The following MAGI2 variants were observed in gnomAD, a reference collection of about 807,000 sequenced individuals.
MAGI2 encodes the protein membrane-associated guanylate kinase, WW and PDZ domain-containing protein 2.
A neutral mutation model predicts 133.3 loss-of-function variants in MAGI2; 35 were observed. The observed-to-expected ratio is 0.26, with a 90% CI of 0.20 to 0.35. The LOEUF (loss-of-function observed/expected upper bound fraction) is 0.35. Ranked by LOEUF, MAGI2 falls within the 10% of genes least tolerant of loss-of-function variation. The pLI is 1.00. For synonymous variants in MAGI2, 729 were observed against 710.6 expected, an observed-to-expected ratio of 1.03 and a Z score of -0.41; for missense variants, 1,636 against 1,863.4, an observed-to-expected ratio of 0.88 and a Z score of 2.25.
rs140807139 is a variant in MAGI2 at position 78,999,426 on chromosome 7, G to C, written c.418+7664C>G. Among the ~76,000 whole-genome samples the C allele has an allele frequency of 4.4e-3, 672 of 151,710 alleles. 7 individuals are homozygous for C. Among genetic ancestry groups the C allele is most frequent in the African/African-American group, 0.016 (653 of 41,372 alleles). ...GATTTTCCATCTTAAGCAACATTTT[G>C]AAGCCATTTATATTCTGTAGAGCAC... On this transcript the variant is annotated intron_variant, in intron 2 of 21. Coordinates refer to ENST00000354212, the MANE Select transcript of MAGI2 (RefSeq NM_012301.4).
At chr7:78,918,734 GATTA>G (rs1798988847) in intron 2 of MAGI2, among the ~76,000 whole-genome samples, 1 of 152,052 alleles carries the variant, frequency 6.6e-6, no homozygotes, top group Non-Finnish European at 1.5e-5. Flanking sequence ...GTGTAAAAGA[GATTA>G]ATTATTAATT....
chr7:79,142,058 A>G (rs1320178853), intron 1 of MAGI2, among the ~76,000 whole-genome samples: 1 of 152,224 alleles, frequency 6.6e-6, no homozygotes, highest in Non-Finnish European at 1.5e-5. Context: ...AAATAGATAC[A>G]AAATAAATAC....
intron 2 of MAGI2, among the ~76,000 whole-genome samples, chr7:78,706,105 T>C (rs186387521): frequency 5.5e-4 from 83 of 152,146 alleles, no homozygotes; most frequent in African/African-American, 1.8e-3. Context: ...AAATTAATAT[T>C]CTGGTTAGGA....
chr7:79,272,094 ATACT>A (rs1834921364), intron 1 of MAGI2, among the ~76,000 whole-genome samples: 1 of 152,168 alleles, frequency 6.6e-6, no homozygotes, highest in Non-Finnish European at 1.5e-5. Flanking sequence ...AAGTTAGCAA[ATACT>A]TACATAGTCA....
intron 3 of MAGI2, among the ~76,000 whole-genome samples, chr7:78,590,609 T>C (rs1465720271): frequency 2.0e-5 from 3 of 152,226 alleles, no homozygotes; most frequent in Admixed American, 1.3e-4. Flanking sequence ...TGGTTTTCCT[T>C]ATAACTAAAA....
At chr7:78,148,574 T>C (rs942610773) in intron 16 of MAGI2, among the ~76,000 whole-genome samples, 17 of 152,164 alleles carry the variant, frequency 1.1e-4, no homozygotes, top group Admixed American at 9.8e-4. Context: ...TGATGTAGAA[T>C]AACTAGGAGA....
At chr7:78,375,679 A>G (rs1009824989) in intron 6 of MAGI2, among the ~76,000 whole-genome samples, 2 of 152,136 alleles carry the variant, frequency 1.3e-5, no homozygotes, top group African/African-American at 4.8e-5. Context: ...TAGGTTAAGT[A>G]ATGTAGTGTA....
intron 20 of MAGI2, among the ~76,000 whole-genome samples, chr7:78,097,646 A>G (rs11514922): frequency 0.12 from 18,680 of 152,084 alleles, 1,387 homozygotes; most frequent in Middle Eastern, 0.19. Flanking sequence ...GGAACAACAG[A>G]CACTGGTGTC....
chr7:79,310,793 C>G (rs1268000357), intron 1 of MAGI2, among the ~76,000 whole-genome samples: 3 of 152,226 alleles, frequency 2.0e-5, no homozygotes, highest in Non-Finnish European at 2.9e-5. Context: ...AGACCAATCA[C>G]TTCAACTGAC....
At chr7:78,704,037 C>T (rs1818350672) in intron 2 of MAGI2, among the ~76,000 whole-genome samples, 1 of 152,010 alleles carries the variant, frequency 6.6e-6, no homozygotes, top group African/African-American at 2.4e-5. Flanking sequence ...ACAAAGATGC[C>T]AAAAGCAATT....
intron 2 of MAGI2, among the ~76,000 whole-genome samples, chr7:78,873,319 C>G (rs1237206864): frequency 6.6e-6 from 1 of 152,172 alleles, no homozygotes; most frequent in Admixed American, 6.5e-5. Context: ...GGCTGCACAG[C>G]AGGAGGTGAG....
chr7:78,342,303 C>T (rs926082402), intron 9 of MAGI2, among the ~76,000 whole-genome samples: 1 of 152,126 alleles, frequency 6.6e-6, no homozygotes, highest in Non-Finnish European at 1.5e-5. Context: ...AGTCAGGAAA[C>T]AACAGATGCT....
chr7:79,385,892 C>T (rs1277447130), intron 1 of MAGI2, among the ~76,000 whole-genome samples: 1 of 151,836 alleles, frequency 6.6e-6, no homozygotes, highest in African/African-American at 2.4e-5. Flanking sequence ...ACCTGCCTCA[C>T]GATAGTAACC....
chr7:79,157,852 T>C (rs1013853810), intron 1 of MAGI2, among the ~76,000 whole-genome samples: 5 of 15,542 alleles, frequency 3.2e-4, no homozygotes, highest in Admixed American at 7.0e-4. Context: ...TCTAACAAGT[T>C]TTTTTTTTTT....
chr7:78,858,926 T>C (rs1222877430), intron 2 of MAGI2, among the ~76,000 whole-genome samples: 1 of 152,192 alleles, frequency 6.6e-6, no homozygotes, highest in East Asian at 1.9e-4. Context: ...TGCTCCTGTA[T>C]TGGGTGCATA....
At chr7:79,296,538 A>G (rs920580795) in intron 1 of MAGI2, among the ~76,000 whole-genome samples, 1 of 152,226 alleles carries the variant, frequency 6.6e-6, no homozygotes, top group African/African-American at 2.4e-5. Context: ...TTGTGGCAAC[A>G]TGGATGAACC....
chr7:78,079,206 C>T, intron 20 of MAGI2, 121 bp from the exon 21 acceptor site: 1 of 927,190 alleles, frequency 1.1e-6, no homozygotes, highest in East Asian at 2.4e-5. Flanking sequence ...TGGTGGCAGC[C>T]TGCTGCTTTT....
In MAGI2 at chr7:79,041,249, T is replaced by C. The variant is rs188039261; in HGVS notation, c.302-34043A>G. On this transcript the variant is annotated intron_variant, in intron 1 of 21. Coordinates refer to ENST00000354212, the MANE Select transcript of MAGI2 (RefSeq NM_012301.4). ...TGCACTATGAATTTTTTCTAACATT[T>C]ATATATTCAAAGAAGTTTTGCATTA... 2.1e-4 allele frequency among the ~76,000 whole-genome samples: 32 copies of C among 152,314 alleles called. No homozygotes were observed. The East Asian group carries it at 5.0e-3, about 24-fold the overall frequency.
chr7:78,073,565 G>C (rs1335390798), intron 21 of MAGI2, among the ~76,000 whole-genome samples: 1 of 152,190 alleles, frequency 6.6e-6, no homozygotes, highest in Admixed American at 6.5e-5. Context: ...GATTAACTTT[G>C]AACAGCAGTC....
Sources: allele counts gnomAD v4.1 joint callset (sites outside exome capture counted in the v4.1 genomes callset), GRCh38; gene constraint gnomAD v4.1.1; transcripts MANE v1.5; gene names NCBI Gene and HGNC (gene_info 2026-07-23, HGNC 2026-07-21).